CDKL2: variants seen among roughly 807,000 people sequenced by gnomAD.
CDKL2 encodes the protein cyclin dependent kinase like 2.
CDKL2 carries 64 observed loss-of-function variants against 63.9 expected under a neutral mutation model. That is an observed-to-expected ratio of 1.00 (90% CI 0.82 to 1.23). CDKL2 has a LOEUF of 1.23. Among genes scored for constraint, CDKL2 ranks in the 50% most tolerant of loss-of-function variants. CDKL2 has a pLI of 0.00. For synonymous variants in CDKL2, 211 were observed against 229.2 expected, an observed-to-expected ratio of 0.92 and a Z score of 0.72; for missense variants, 656 against 668.0, an observed-to-expected ratio of 0.98 and a Z score of 0.20.
At chr4:75,583,741 C>T (rs1434584349) in intron 12 of CDKL2, among the ~76,000 whole-genome samples, 2 of 151,964 alleles carry the variant, frequency 1.3e-5, no homozygotes, top group South Asian at 2.1e-4. Context: ...ATGGGCAATT[C>T]GTACTTTTTA....
intron 2 of CDKL2, among the ~76,000 whole-genome samples, chr4:75,625,335 T>G (rs972766951): frequency 2.0e-5 from 3 of 152,084 alleles, no homozygotes; most frequent in African/African-American, 7.2e-5. Context: ...TACAGAAATA[T>G]ACTTTTAAAT....
chr4:75,597,339 A>G, intron 8 of CDKL2, 103 bp from the exon 9 acceptor site: 1 of 715,014 alleles, frequency 1.4e-6, no homozygotes, highest in South Asian at 1.9e-5. Context: ...TATCATAAGT[A>G]TCACCTTTTT....
In CDKL2 at chr4:75,578,161, G is replaced by C. The variant is rs1206566477; in HGVS notation, c.*1041C>G. ...ATCCATGCATTGGAAAAGATGTGTGGAATGCAGGTAAATGATTTTGCACCT... is the reference window on the plus strand; with the variant it reads ...ATCCATGCATTGGAAAAGATGTGTGCAATGCAGGTAAATGATTTTGCACCT... On this transcript the variant is annotated 3_prime_UTR_variant, in exon 14 of 14. Transcript: ENST00000307465. 6.6e-6 allele frequency: 1 copy of C among 152,176 alleles called. No individual in the cohort carries two copies. The highest frequency in any genetic ancestry group is 1.5e-5 in the Non-Finnish European group (1 of 68,032). The allele number at this position is 152,176 out of a possible 1,614,324, so 9.4% of individuals were successfully genotyped here. A position where few individuals can be genotyped will look rare whatever the true frequency, so the allele number is the denominator to read the frequency against.
chr4:75,611,690 T>C (rs1419470695), intron 3 of CDKL2, among the ~76,000 whole-genome samples: 1 of 151,408 alleles, frequency 6.6e-6, no homozygotes, highest in Non-Finnish European at 1.5e-5. Context: ...GTTTCGTTCT[T>C]GTTGCCCAGG....
At chr4:75,609,930 G>A (rs2148895225) in intron 3 of CDKL2, among the ~76,000 whole-genome samples, 1 of 151,734 alleles carries the variant, frequency 6.6e-6, no homozygotes, top group East Asian at 2.0e-4. Flanking sequence ...GGGGCCGGGT[G>A]CGGTGGCTCA....
chr4:75,621,910 G>A (rs1730173160), intron 2 of CDKL2, among the ~76,000 whole-genome samples: 1 of 152,146 alleles, frequency 6.6e-6, no homozygotes, highest in Non-Finnish European at 1.5e-5. Context: ...AATAACTGCT[G>A]ACTGTGAACA....
intron 3 of CDKL2, among the ~76,000 whole-genome samples, chr4:75,612,178 G>A (rs1337091723): frequency 6.6e-6 from 1 of 152,038 alleles, no homozygotes; most frequent in African/African-American, 2.4e-5. Flanking sequence ...TCACCACGTT[G>A]GCCAGGCTGG....
chr4:75,620,125 T>C (rs1730093218), intron 2 of CDKL2, among the ~76,000 whole-genome samples: 1 of 152,118 alleles, frequency 6.6e-6, no homozygotes, highest in Admixed American at 6.5e-5. Flanking sequence ...ATCTGGAAGA[T>C]TGAGGCTGAA....
intron 3 of CDKL2, among the ~76,000 whole-genome samples, chr4:75,610,991 T>A (rs889667256): frequency 2.0e-5 from 3 of 152,232 alleles, no homozygotes; most frequent in African/African-American, 7.2e-5. Context: ...TACTTATGTG[T>A]CAGGCACTAT....
At position 75,607,488 on chromosome 4, in the gene CDKL2, G is replaced by A. The variant is rs1346049238; in HGVS notation, c.364-127C>T. 5.6e-5 allele frequency: 36 copies of A among 643,450 alleles called. No homozygotes were observed. The East Asian group carries it at 9.9e-4, about 18-fold the overall frequency. The allele number at this position is 643,450 out of a possible 1,614,324, so 39.9% of individuals were successfully genotyped here. On this transcript the variant is annotated intron_variant, in intron 3 of 13. Coordinates refer to ENST00000307465, the MANE Select transcript of CDKL2 (RefSeq NM_001330724.2). Reference sequence around the variant, plus strand: ...ACAAAAGCATAGAAAGTTGCTCCTAGCCCTCAACAACCTAGGACCTAGTTG... The same window carrying A: ...ACAAAAGCATAGAAAGTTGCTCCTAACCCTCAACAACCTAGGACCTAGTTG...
chr4:75,622,320 T>G (rs1730186610), intron 2 of CDKL2, among the ~76,000 whole-genome samples: 1 of 152,104 alleles, frequency 6.6e-6, no homozygotes. Flanking sequence ...AGAGATATAC[T>G]TTACATCTAA....
chr4:75,601,538 A>G (rs982315403), intron 6 of CDKL2, among the ~76,000 whole-genome samples: 2 of 152,058 alleles, frequency 1.3e-5, no homozygotes, highest in African/African-American at 4.8e-5. Flanking sequence ...ATTAAACAAG[A>G]TTATCAAAAG....
At chr4:75,599,453 C>T (rs188401315) in intron 7 of CDKL2, among the ~76,000 whole-genome samples, 93 of 143,518 alleles carry the variant, frequency 6.5e-4, no homozygotes, top group African/African-American at 2.2e-3. Context: ...CCCAGCTACT[C>T]GGGAGGCTGA....
At position 75,625,927 on chromosome 4, in the gene CDKL2, C is replaced by T; in HGVS notation, c.62G>A (p.Cys21Tyr). ...AATTCTTCCAGTATCTTTATTCCTA[C>T]ACTTCATCACCATTCCATAACTCCC... Reference protein sequence around the residue: ...GEGSYGMVMKCRNKDTGRIVA... With the variant: ...GEGSYGMVMKYRNKDTGRIVA... Residue 21 changes from cysteine (C) to tyrosine (Y), a missense_variant, in exon 2 of 14, where the codon TGT (cysteine) becomes TAT (tyrosine). By Grantham distance (194) the Cys-to-Tyr change is radical. Transcript: ENST00000307465. The T allele has an allele frequency of 1.2e-6, 2 of 1,612,766 alleles. No homozygotes were observed. The highest frequency in any genetic ancestry group is 1.7e-6 in the Non-Finnish European group (2 of 1,179,280).
At chr4:75,622,754 A>G (rs1473156764) in intron 2 of CDKL2, among the ~76,000 whole-genome samples, 11 of 149,408 alleles carry the variant, frequency 7.4e-5, no homozygotes, top group Non-Finnish European at 7.4e-5. Flanking sequence ...ACAGACAAGA[A>G]GACCAAGAAA....
Position 75,581,844 on chromosome 4 carries a change from G to A in CDKL2, c.1702C>T (p.His568Tyr), listed in dbSNP as rs757803753. The change falls in exon 13 of 14, where the codon CAC (histidine) becomes TAC (tyrosine). Residue 568 changes from histidine to tyrosine, a missense_variant. Coordinates refer to ENST00000307465, the MANE Select transcript of CDKL2 (RefSeq NM_001330724.2). ...AACCAAAATGGTTCTCAGTGCTGGT[G>A]TTCCATTTGAGGCAAATCAGCCCCT... ...DSGADLPQME[H>Y]QH The A allele has an allele frequency of 1.9e-6, 3 of 1,611,700 alleles. No individual in the cohort carries two copies. Among genetic ancestry groups the A allele is most frequent in the East Asian group, 4.5e-5 (2 of 44,870 alleles).
intron 2 of CDKL2, 145 bp downstream of exon 2, chr4:75,625,676 A>T (rs1730366876): frequency 4.6e-6 from 3 of 646,450 alleles, no homozygotes; most frequent in Non-Finnish European, 5.2e-6. Context: ...ACAGAAAGAT[A>T]TAGAGAGAAG....
Position 75,625,451 on chromosome 4 carries a change from A to G in CDKL2, c.168+370T>C, listed in dbSNP as rs375254816. Among the ~76,000 whole-genome samples the G allele has an allele frequency of 2.1e-4, 32 of 152,310 alleles. No homozygotes were observed. The East Asian group carries it at 5.6e-3, about 27-fold the overall frequency. On this transcript the variant is annotated intron_variant, in intron 2 of 13. Transcript: ENST00000307465. ...TTCCTACAGGAAAATGTATATCCTT[A>G]AATGCATATTTGAGGGGAAAAAAGT...
At chr4:75,588,580 G>C (rs1411270604) in intron 12 of CDKL2, among the ~76,000 whole-genome samples, 2 of 152,130 alleles carry the variant, frequency 1.3e-5, no homozygotes, top group Non-Finnish European at 2.9e-5. Context: ...CTGGGTGTTG[G>C]ATTCACAATT....
Sources: allele counts gnomAD v4.1 joint callset (sites outside exome capture counted in the v4.1 genomes callset), GRCh38; gene constraint gnomAD v4.1.1; transcripts MANE v1.5; gene names NCBI Gene and HGNC (gene_info 2026-07-23, HGNC 2026-07-21).